Variants in C8orf34 observed in about 807,000 individuals in gnomAD.
C8orf34 encodes the protein uncharacterized protein C8orf34.
In C8orf34, 65 loss-of-function variants were observed where a neutral mutation model predicts 68.3. That is an observed-to-expected ratio of 0.95 (90% CI 0.78 to 1.17). The LOEUF (loss-of-function observed/expected upper bound fraction) is 1.17. Among genes scored for constraint, C8orf34 ranks in the 50% most tolerant of loss-of-function variants. The probability of loss-of-function intolerance (pLI) is 0.00; values close to 1 mark genes in which losing one functional copy is unlikely to be tolerated. For missense variants in C8orf34, 664 were observed against 655.4 expected, an observed-to-expected ratio of 1.01 and a Z score of -0.14; for synonymous variants, 244 against 241.2, an observed-to-expected ratio of 1.01 and a Z score of -0.11.
chr8:68,679,431 A>G (rs1820297258), intron 8 of C8orf34, among the ~76,000 whole-genome samples: 2 of 152,190 alleles, frequency 1.3e-5, no homozygotes, highest in Admixed American at 6.5e-5. Flanking sequence ...TTAAGAGGAC[A>G]CAAAAATGGA....
chr8:68,650,509 T>A (rs894859002), intron 8 of C8orf34, among the ~76,000 whole-genome samples: 6 of 139,838 alleles, frequency 4.3e-5, no homozygotes, highest in African/African-American at 1.6e-4. Flanking sequence ...AGACGGAGTC[T>A]CGCTCTGTCG....
At chr8:68,667,260 G>T (rs1403869129) in intron 8 of C8orf34, among the ~76,000 whole-genome samples, 4 of 152,052 alleles carry the variant, frequency 2.6e-5, no homozygotes, top group Non-Finnish European at 5.9e-5. Flanking sequence ...AAAAGTAAAG[G>T]CTTCATGGAG....
intron 7 of C8orf34, among the ~76,000 whole-genome samples, chr8:68,557,508 A>T (rs917629984): frequency 7.9e-5 from 12 of 152,304 alleles, no homozygotes; most frequent in African/African-American, 2.9e-4. Flanking sequence ...CATCAAACAA[A>T]ACCATTATTA....
intron 8 of C8orf34, among the ~76,000 whole-genome samples, chr8:68,644,890 A>G (rs1819119706): frequency 6.6e-6 from 1 of 152,196 alleles, no homozygotes; most frequent in African/African-American, 2.4e-5. Context: ...CTTTTTGGGC[A>G]TCTGTATTTT....
intron 1 of C8orf34, among the ~76,000 whole-genome samples, chr8:68,338,310 A>G (rs1315259820): frequency 1.3e-5 from 2 of 152,182 alleles, no homozygotes; most frequent in Non-Finnish European, 2.9e-5. Context: ...GCAACATATG[A>G]ATTCTGAAGG....
At chr8:68,588,318 G>A (rs1335594500) in intron 7 of C8orf34, among the ~76,000 whole-genome samples, 1 of 152,086 alleles carries the variant, frequency 6.6e-6, no homozygotes, top group Admixed American at 6.6e-5. Context: ...AGGATAAAAA[G>A]CAAATAGTAT....
intron 4 of C8orf34, among the ~76,000 whole-genome samples, chr8:68,481,294 A>C (rs538638504): frequency 1.3e-5 from 2 of 152,238 alleles, no homozygotes; most frequent in African/African-American, 4.8e-5. Context: ...TAGAGGATGC[A>C]TGGAAATGCC....
chr8:68,652,530 T>A lies in C8orf34; in HGVS notation c.1241+12019T>A, dbSNP rs934747201. 3.3e-5 allele frequency among the ~76,000 whole-genome samples: 5 copies of A among 152,270 alleles called. No individual in the cohort carries two copies. The South Asian group carries it at 8.3e-4, about 25-fold the overall frequency. On this transcript the variant is annotated intron_variant, in intron 8 of 13. Coordinates refer to ENST00000518698, the MANE Select transcript of C8orf34 (RefSeq NM_052958.4). The stretch of plus-strand genomic sequence containing the variant: ...TTATTCCTATGTGATCTTCTAAGAG[T>A]TTTGTAAATTTACCACTTATATTCA...
At chr8:68,565,617 T>C (rs1816563921) in intron 7 of C8orf34, among the ~76,000 whole-genome samples, 2 of 146,636 alleles carry the variant, frequency 1.4e-5, no homozygotes, top group South Asian at 4.3e-4. Flanking sequence ...GAGTCCATCT[T>C]TTGTGTCGCG....
intron 1 of C8orf34, among the ~76,000 whole-genome samples, chr8:68,389,798 A>G (rs1808407693): frequency 1.3e-5 from 2 of 152,186 alleles, no homozygotes; most frequent in South Asian, 4.1e-4. Context: ...TACTTTTGAA[A>G]GCCTTAGTGA....
At chr8:68,382,061 A>G (rs1340473176) in intron 1 of C8orf34, among the ~76,000 whole-genome samples, 1 of 152,210 alleles carries the variant, frequency 6.6e-6, no homozygotes, top group Non-Finnish European at 1.5e-5. Flanking sequence ...AATTTCATTG[A>G]TAAGTTTAGT....
chr8:68,335,081 C>G (rs1256224770), intron 1 of C8orf34, among the ~76,000 whole-genome samples: 1 of 152,080 alleles, frequency 6.6e-6, no homozygotes, highest in Non-Finnish European at 1.5e-5. Flanking sequence ...GTTGTTCCCC[C>G]TCTCATAAGG....
At chr8:68,473,634 A>G (rs1223651498) in intron 4 of C8orf34, among the ~76,000 whole-genome samples, 1 of 152,152 alleles carries the variant, frequency 6.6e-6, no homozygotes. Context: ...CTTTTCATTA[A>G]AAGGAAAACC....
At chr8:68,414,004 G>A (rs571674452) in intron 1 of C8orf34, among the ~76,000 whole-genome samples, 1 of 152,180 alleles carries the variant, frequency 6.6e-6, no homozygotes, top group African/African-American at 2.4e-5. Context: ...TCTTTTTAAT[G>A]TATCAACCTC....
intron 5 of C8orf34, among the ~76,000 whole-genome samples, chr8:68,488,997 TA>T (rs66562512): frequency 0.037 from 5,605 of 151,774 alleles, 364 homozygotes; most frequent in African/African-American, 0.13. Context: ...CGTTTTTTTT[TA>T]AAATAGCAGT....
At chr8:68,454,189 T>C (rs1811456618) in intron 3 of C8orf34, among the ~76,000 whole-genome samples, 1 of 152,102 alleles carries the variant, frequency 6.6e-6, no homozygotes, top group Non-Finnish European at 1.5e-5. Context: ...TTGAGGATTT[T>C]ACATCTACAT....
At chr8:68,530,310 A>T (rs905586061) in intron 6 of C8orf34, among the ~76,000 whole-genome samples, 3 of 152,142 alleles carry the variant, frequency 2.0e-5, no homozygotes, top group Admixed American at 1.3e-4. Flanking sequence ...GCCCCAAATT[A>T]TTCATCTTGT....
intron 10 of C8orf34, among the ~76,000 whole-genome samples, chr8:68,746,709 C>G (rs1330533096): frequency 1.4e-3 from 207 of 147,182 alleles, no homozygotes; most frequent in African/African-American, 4.9e-3. Flanking sequence ...CTGAATAGAC[C>G]AATAACAGGA....
At chr8:68,482,856 C>G (rs1445310678) in intron 4 of C8orf34, among the ~76,000 whole-genome samples, 2 of 152,126 alleles carry the variant, frequency 1.3e-5, no homozygotes, top group African/African-American at 2.4e-5. Flanking sequence ...TGGGCCAGCT[C>G]TAGCATAAAA....
Sources: allele counts gnomAD v4.1 joint callset (sites outside exome capture counted in the v4.1 genomes callset), GRCh38; gene constraint gnomAD v4.1.1; transcripts MANE v1.5; gene names NCBI Gene and HGNC (gene_info 2026-07-23, HGNC 2026-07-21).